Variants in UHRF2 observed in about 807,000 individuals in gnomAD.
UHRF2 encodes E3 ubiquitin-protein ligase UHRF2.
UHRF2 carries 23 observed loss-of-function variants against 96.8 expected under a neutral mutation model. That is an observed-to-expected ratio of 0.24 (90% CI 0.17 to 0.34). UHRF2 has a LOEUF of 0.34. Ranked by LOEUF, UHRF2 falls within the 10% of genes least tolerant of loss-of-function variation. The pLI is 1.00. For synonymous variants in UHRF2, 385 were observed against 332.6 expected, an observed-to-expected ratio of 1.16 and a Z score of -1.72; for missense variants, 685 against 981.5, an observed-to-expected ratio of 0.70 and a Z score of 4.04.
At chr9:6,419,112 A>G (rs536840674) in intron 1 of UHRF2, among the ~76,000 whole-genome samples, 1 of 152,206 alleles carries the variant, frequency 6.6e-6, no homozygotes, top group Non-Finnish European at 1.5e-5. Context: ...TAAAGACCCT[A>G]TCTCAAAATG....
At chr9:6,415,838 G>C (rs1160999300) in intron 1 of UHRF2, among the ~76,000 whole-genome samples, 1 of 152,168 alleles carries the variant, frequency 6.6e-6, no homozygotes, top group Non-Finnish European at 1.5e-5. Context: ...GATAACACCA[G>C]AGTTTAGAAA....
intron 11 of UHRF2, 90 bp downstream of exon 11, chr9:6,497,450 G>T: frequency 1.4e-6 from 2 of 1,409,332 alleles, no homozygotes; most frequent in Non-Finnish European, 1.9e-6. Context: ...GTGGGCTCGA[G>T]GAAACAGTAG....
At chr9:6,428,061 G>C (rs972370143) in intron 2 of UHRF2, among the ~76,000 whole-genome samples, 5 of 152,204 alleles carry the variant, frequency 3.3e-5, no homozygotes, top group African/African-American at 1.2e-4. Flanking sequence ...TGTTTAGAAT[G>C]ATGATGGTAA....
At chr9:6,446,827 A>T (rs1821538946) in intron 3 of UHRF2, among the ~76,000 whole-genome samples, 1 of 151,688 alleles carries the variant, frequency 6.6e-6, no homozygotes, top group South Asian at 2.1e-4. Flanking sequence ...CCTGGGTGAC[A>T]GAGTGAGACT....
chr9:6,430,018 G>A (rs1820479534), intron 2 of UHRF2, among the ~76,000 whole-genome samples: 1 of 152,100 alleles, frequency 6.6e-6, no homozygotes, highest in Non-Finnish European at 1.5e-5. Flanking sequence ...TCTAAATGTG[G>A]CTTTTCTTTT....
In UHRF2 at chr9:6,434,093, A is replaced by G. The variant is rs191479066; in HGVS notation, c.564A>G (p.Lys188=). 3.7e-6 allele frequency: 6 copies of G among 1,614,092 alleles called. No individual in the cohort carries two copies. The African/African-American group carries it at 8.0e-5, about 22-fold the overall frequency. ...ATAAATCCAAAGAGAACACAAATAA[A>G]TTGGACAGTGTACCCTCTACGTCTA... ...IKHKSKENTN[K]LDSVPSTSNS... The change falls in exon 3 of 16, where the codon AAA becomes AAG. Residue 188 remains lysine, a synonymous_variant. Coordinates refer to ENST00000276893, the MANE Select transcript of UHRF2 (RefSeq NM_152896.3).
chr9:6,458,777 T>C (rs575611790), intron 3 of UHRF2, among the ~76,000 whole-genome samples: 1 of 152,330 alleles, frequency 6.6e-6, no homozygotes, highest in South Asian at 2.1e-4. Context: ...TGTATGTTTA[T>C]TGCAGCACTG....
At chr9:6,475,343 C>G in intron 4 of UHRF2, 48 bp from the exon 5 acceptor site, 1 of 1,184,548 alleles carries the variant, frequency 8.4e-7, no homozygotes, top group South Asian at 1.8e-5. Flanking sequence ...TTTGTATATA[C>G]CTTAGATTTT....
chr9:6,502,279 T>C (rs10975611), intron 14 of UHRF2, among the ~76,000 whole-genome samples: 2 of 152,114 alleles, frequency 1.3e-5, no homozygotes, highest in Non-Finnish European at 2.9e-5. Context: ...GGTCACTGTT[T>C]TATTTAAACA....
intron 9 of UHRF2, among the ~76,000 whole-genome samples, chr9:6,491,788 C>G (rs981212886): frequency 6.6e-6 from 1 of 152,190 alleles, no homozygotes; most frequent in South Asian, 2.1e-4. Flanking sequence ...TGAGCTCTTC[C>G]CAGGCAGCAG....
chr9:6,499,642 A>C (rs369368763), intron 12 of UHRF2, 193 bp from the exon 13 acceptor site: 44 of 402,362 alleles, frequency 1.1e-4, no homozygotes, highest in East Asian at 5.4e-4. Context: ...TCACAGCTAC[A>C]TAAATTGGGA....
chr9:6,477,513 C>T (rs551152544), intron 5 of UHRF2, 109 bp from the exon 6 acceptor site: 1 of 1,085,634 alleles, frequency 9.2e-7, no homozygotes, highest in African/African-American at 1.6e-5. Flanking sequence ...GTAACAAGAG[C>T]AAAACTCCAT....
chr9:6,433,827 T>TAACCC, intron 2 of UHRF2, 87 bp from the exon 3 acceptor site: 2 of 1,391,552 alleles, frequency 1.4e-6, no homozygotes, highest in Non-Finnish European at 2.0e-6. Context: ...TTTACCATGA[T>TAACCC]AACCCACAAA....
At chr9:6,474,095 T>G (rs1171817220) in intron 4 of UHRF2, among the ~76,000 whole-genome samples, 1 of 152,150 alleles carries the variant, frequency 6.6e-6, no homozygotes, top group African/African-American at 2.4e-5. Flanking sequence ...TCGGAGGACA[T>G]GAAGTTGTCA....
chr9:6,438,176 C>G (rs1004949767), intron 3 of UHRF2, among the ~76,000 whole-genome samples: 4 of 152,190 alleles, frequency 2.6e-5, no homozygotes, highest in African/African-American at 9.6e-5. Flanking sequence ...CTGTATAACA[C>G]AGAAGGGAAG....
Position 6,500,650 on chromosome 9 carries a change from G to C in UHRF2, c.2104G>C (p.Glu702Gln). The C allele has an allele frequency of 6.2e-7, 1 of 1,613,944 alleles. No homozygotes were observed. Among genetic ancestry groups the C allele is most frequent in the Non-Finnish European group, 8.5e-7 (1 of 1,179,906 alleles). ...LTPQQQHLIREDCQNQKLWDE... is the reference protein window; with the variant it reads ...LTPQQQHLIRQDCQNQKLWDE... ...TCCTCAACAGCAACATCTCATCAGA[G>C]AAGATTGTCAAAACCAGAAGCTGTG... Residue 702 changes from glutamate (E) to glutamine (Q), a missense_variant, in exon 14 of 16, where the codon GAA (glutamate) becomes CAA (glutamine). Physicochemically the swap from Glu to Gln is conservative, Grantham distance 29 (BLOSUM62 2). Coordinates refer to ENST00000276893, the MANE Select transcript of UHRF2 (RefSeq NM_152896.3).
At chr9:6,485,401 G>A (rs1440384257) in intron 8 of UHRF2, among the ~76,000 whole-genome samples, 1 of 151,900 alleles carries the variant, frequency 6.6e-6, no homozygotes, top group Non-Finnish European at 1.5e-5. Context: ...ATGACTATGA[G>A]GTTGTTTTCC....
At chr9:6,494,865 A>G (rs1824870922) in intron 10 of UHRF2, 3 of 152,192 alleles carry the variant, frequency 2.0e-5, no homozygotes, top group Admixed American at 2.0e-4. Context: ...GTATCAATTT[A>G]CATAGAATCT....
At chr9:6,486,599 T>A (rs913224619) in intron 8 of UHRF2, among the ~76,000 whole-genome samples, 1 of 151,458 alleles carries the variant, frequency 6.6e-6, no homozygotes, top group Non-Finnish European at 1.5e-5. Flanking sequence ...CTAAAGGATA[T>A]GTTTGAGGAG....
Sources: allele counts gnomAD v4.1 joint callset (sites outside exome capture counted in the v4.1 genomes callset), GRCh38; gene constraint gnomAD v4.1.1; transcripts MANE v1.5; gene names NCBI Gene and HGNC (gene_info 2026-07-23, HGNC 2026-07-21).